Variants in KIF3A observed in about 807,000 individuals in gnomAD.
KIF3A encodes kinesin-like protein KIF3A.
Under a neutral mutation model 92.6 loss-of-function variants are expected in KIF3A, and 27 were observed. The ratio of observed to expected loss-of-function variants is 0.29; its 90% CI spans 0.21 to 0.40. KIF3A has a LOEUF of 0.40. Among genes scored for constraint, KIF3A ranks in the 10% least tolerant of loss-of-function variants. The pLI, the probability that KIF3A is intolerant of heterozygous loss-of-function variation, is 1.00. For missense variants in KIF3A, 581 were observed against 872.6 expected, an observed-to-expected ratio of 0.67 and a Z score of 4.21; for synonymous variants, 250 against 275.4, an observed-to-expected ratio of 0.91 and a Z score of 0.92.
Position 132,700,668 on chromosome 5 carries a change from T to G in KIF3A, c.1917A>C (p.Glu639Asp). Residue 639 changes from glutamate (E) to aspartate (D), a missense_variant, in exon 16 of 19, where the codon GAA becomes GAC. Physicochemically the swap from Glu to Asp is conservative, Grantham distance 45. Coordinates refer to ENST00000403231, the MANE Select transcript of KIF3A (RefSeq NM_001300791.2). ...EMIENYVHWN[E>D]DIGEWQLKCV... ...TCACTAGCTGCCATTCTCCTATGTC[T>G]TCATTCCAATGGACATAGTTTTCAA... 1 of 1,595,006 alleles carries G rather than the reference T, an allele frequency of 6.3e-7. No homozygotes were observed. The highest frequency in any genetic ancestry group is 8.6e-7 in the Non-Finnish European group (1 of 1,162,780).
Position 132,716,228 on chromosome 5 carries a change from C to G in KIF3A, c.954+17G>C. ...TAAATTTGCCTGATGTTAACTATATCACCAATTAAGTCTTACCATCATGGT... is the reference window on the plus strand; with the variant it reads ...TAAATTTGCCTGATGTTAACTATATGACCAATTAAGTCTTACCATCATGGT... On this transcript the variant is annotated intron_variant, in intron 7 of 18. Coordinates refer to ENST00000403231, the MANE Select transcript of KIF3A (RefSeq NM_001300791.2). The G allele has an allele frequency of 6.3e-7, 1 of 1,581,504 alleles. No individual in the cohort carries two copies.
At chr5:132,718,215 A>G (rs969121779) in intron 5 of KIF3A, among the ~76,000 whole-genome samples, 1 of 152,236 alleles carries the variant, frequency 6.6e-6, no homozygotes, top group Non-Finnish European at 1.5e-5. Context: ...AAGGCAGTAC[A>G]TACATACTGT....
At chr5:132,721,563 T>C (rs972455506) in intron 4 of KIF3A, 1 of 152,186 alleles carries the variant, frequency 6.6e-6, no homozygotes, top group Admixed American at 6.5e-5. Context: ...GGGAAAACGT[T>C]ATAAAGGTAG....
intron 10 of KIF3A, among the ~76,000 whole-genome samples, chr5:132,707,357 T>C (rs1038331941): frequency 1.3e-5 from 2 of 152,102 alleles, no homozygotes; most frequent in Non-Finnish European, 2.9e-5. Flanking sequence ...GACAACCATC[T>C]CTCCACTTCA....
intron 16 of KIF3A, 25 bp from the exon 17 acceptor site, chr5:132,700,309 A>G (rs1380178337): frequency 1.4e-6 from 2 of 1,418,794 alleles, no homozygotes; most frequent in Admixed American, 3.6e-5. Context: ...AGGGAGAGAC[A>G]GAGAAATGTC....
chr5:132,714,360 A>T (rs1753540571), intron 8 of KIF3A, among the ~76,000 whole-genome samples: 1 of 152,226 alleles, frequency 6.6e-6, no homozygotes, highest in Non-Finnish European at 1.5e-5. Context: ...ACTGCAGAAC[A>T]ATGTGAATGT....
At chr5:132,715,702 G>T in intron 8 of KIF3A, 55 bp downstream of exon 8, 1 of 1,367,652 alleles carries the variant, frequency 7.3e-7, no homozygotes, top group Non-Finnish European at 1.0e-6. Flanking sequence ...ACAGTTAGTG[G>T]TTCAACAATG....
In KIF3A at chr5:132,692,655, T is replaced by C. The variant is rs1276587210; in HGVS notation, c.*3979A>G. 1 of 152,656 alleles carries C rather than the reference T, an allele frequency of 6.6e-6. No individual in the cohort carries two copies. Among genetic ancestry groups the C allele is most frequent in the African/African-American group, 2.4e-5 (1 of 41,464 alleles). The allele number at this position is 152,656 out of a possible 1,614,324, so 9.5% of individuals were successfully genotyped here. A position where few individuals can be genotyped will look rare whatever the true frequency, so the allele number is the denominator to read the frequency against. ...ATTAGGTAAAAGATTTTTATTCTTATTTAACCATGCTGCATGTATACATAC... is the reference window on the plus strand; with the variant it reads ...ATTAGGTAAAAGATTTTTATTCTTACTTAACCATGCTGCATGTATACATAC... On this transcript the variant is annotated 3_prime_UTR_variant, in exon 19 of 19. Coordinates refer to ENST00000403231, the MANE Select transcript of KIF3A (RefSeq NM_001300791.2).
intron 9 of KIF3A, among the ~76,000 whole-genome samples, chr5:132,709,569 T>C (rs1021806401): frequency 1.3e-5 from 2 of 152,248 alleles, no homozygotes; most frequent in African/African-American, 4.8e-5. Context: ...TATTTTAACA[T>C]ATTACTGGCA....
At chr5:132,716,110 T>C in intron 7 of KIF3A, 135 bp downstream of exon 7, 2 of 855,382 alleles carry the variant, frequency 2.3e-6, no homozygotes, top group Non-Finnish European at 3.6e-6. Context: ...TACACGAGTG[T>C]ACCACAAAAA....
chr5:132,715,702 G>C, intron 8 of KIF3A, 55 bp downstream of exon 8: 5 of 1,367,656 alleles, frequency 3.7e-6, no homozygotes, highest in Non-Finnish European at 4.1e-6. Context: ...ACAGTTAGTG[G>C]TTCAACAATG....
chr5:132,722,515 G>A (rs1753858377), intron 4 of KIF3A, among the ~76,000 whole-genome samples: 1 of 152,068 alleles, frequency 6.6e-6, no homozygotes, highest in Admixed American at 6.6e-5. Flanking sequence ...TGAAATAAGT[G>A]GGACAGTCTC....
At chr5:132,702,748 G>A in intron 13 of KIF3A, 80 bp from the exon 14 acceptor site, 1 of 1,311,030 alleles carries the variant, frequency 7.6e-7, no homozygotes, top group Non-Finnish European at 1.1e-6. Flanking sequence ...TGACATAAAT[G>A]TTTAGCAAAT....
intron 5 of KIF3A, among the ~76,000 whole-genome samples, chr5:132,719,057 T>G (rs1753737204): frequency 1.0e-5 from 1 of 97,422 alleles, no homozygotes; most frequent in African/African-American, 2.7e-5. Context: ...TGTCTAAAAT[T>G]AGAAACACAG....
chr5:132,724,806 A>AAAAAAATTATATATAT lies in KIF3A; in HGVS notation c.510+1321_510+1322insATATATATAATTTTTT, dbSNP rs59476182. On this transcript the variant is annotated intron_variant, in intron 4 of 18. Coordinates refer to ENST00000403231, the MANE Select transcript of KIF3A (RefSeq NM_001300791.2). ...TTAAAGTATAATAAAAAAAAAAAAA[A>AAAAAAATTATATATAT]ATATATATATATATATATATATATA... is the stretch of plus-strand genomic sequence containing the variant. Among the ~76,000 whole-genome samples, 11 of 22,692 alleles carry AAAAAAATTATATATAT rather than the reference A, an allele frequency of 4.8e-4. 2 individuals are homozygous for AAAAAAATTATATATAT. The highest frequency in any genetic ancestry group is 3.4e-3 in the East Asian group (2 of 582). 14.9% of individuals were successfully genotyped at this position (22,692 alleles called of 152,430 possible). A position where few individuals can be genotyped will look rare whatever the true frequency, so the allele number is the denominator to read the frequency against.
At chr5:132,731,960 C>G (rs1166042219) in intron 2 of KIF3A, among the ~76,000 whole-genome samples, 1 of 152,030 alleles carries the variant, frequency 6.6e-6, no homozygotes, top group Admixed American at 6.5e-5. Flanking sequence ...CTGCCTGCCT[C>G]GGCCTCCAAT....
At chr5:132,708,778 T>A in intron 10 of KIF3A, 129 bp downstream of exon 10, 2 of 565,210 alleles carry the variant, frequency 3.5e-6, no homozygotes, top group Non-Finnish European at 6.4e-6. Flanking sequence ...TCACATGCTT[T>A]GTTCTACTGA....
At chr5:132,713,149 C>T (rs1753487200) in intron 8 of KIF3A, among the ~76,000 whole-genome samples, 1 of 151,976 alleles carries the variant, frequency 6.6e-6, no homozygotes, top group Non-Finnish European at 1.5e-5. Context: ...GAGCGAGACT[C>T]TGTCTCAAAA....
At chr5:132,735,475 TG>T (rs1282126367) in intron 1 of KIF3A, among the ~76,000 whole-genome samples, 2 of 152,240 alleles carry the variant, frequency 1.3e-5, no homozygotes, top group Admixed American at 1.3e-4. Context: ...AAATTCCTAC[TG>T]TTTCAGATTC....
Sources: gnomAD v4.1 joint callset for allele counts (sites outside exome capture counted in the v4.1 genomes callset) on GRCh38, gnomAD v4.1.1 for gene constraint, MANE v1.5 for transcripts, NCBI Gene and HGNC (gene_info 2026-07-23, HGNC 2026-07-21) for gene names.